USP10: variants seen among roughly 807,000 people sequenced by gnomAD.
The protein encoded by USP10 is ubiquitin specific peptidase 10, also known as ubiquitin carboxyl-terminal hydrolase 10.
USP10 carries 22 observed loss-of-function variants against 84.5 expected under a neutral mutation model. The observed-to-expected ratio is 0.26, with a 90% CI of 0.19 to 0.37. The LOEUF is 0.37. Among genes scored for constraint, USP10 ranks in the 10% least tolerant of loss-of-function variants. The pLI is 1.00. For synonymous variants in USP10, 454 were observed against 387.6 expected, an observed-to-expected ratio of 1.17 and a Z score of -2.01; for missense variants, 1,019 against 998.9, an observed-to-expected ratio of 1.02 and a Z score of -0.27.
At chr16:84,725,661 C>T (rs961522829) in intron 1 of USP10, among the ~76,000 whole-genome samples, 4 of 152,182 alleles carry the variant, frequency 2.6e-5, no homozygotes, top group Non-Finnish European at 5.9e-5. Context: ...GCCTCGGCCC[C>T]CCAGAGTGCT....
intron 13 of USP10, among the ~76,000 whole-genome samples, chr16:84,777,808 G>T (rs551522812): frequency 3.9e-5 from 6 of 152,324 alleles, no homozygotes; most frequent in African/African-American, 1.2e-4. Flanking sequence ...TTCCCTACCA[G>T]CCAAGTCTTG....
chr16:84,738,499 A>G (rs1206981584), intron 2 of USP10, among the ~76,000 whole-genome samples: 3 of 151,932 alleles, frequency 2.0e-5, no homozygotes, highest in South Asian at 4.1e-4. Flanking sequence ...CGCTGTGTCC[A>G]CTGCCCTTAT....
intron 1 of USP10, among the ~76,000 whole-genome samples, chr16:84,701,043 C>T (rs1904801634): frequency 1.3e-5 from 2 of 152,170 alleles, no homozygotes; most frequent in African/African-American, 4.8e-5. Context: ...TAAACCATCT[C>T]ATTGTGTATT....
intron 11 of USP10, among the ~76,000 whole-genome samples, chr16:84,770,854 T>G (rs1356578735): frequency 1.3e-5 from 2 of 149,904 alleles, no homozygotes; most frequent in Non-Finnish European, 3.0e-5. Flanking sequence ...GATCACAAAG[T>G]CAAGAGATCG....
intron 2 of USP10, among the ~76,000 whole-genome samples, chr16:84,736,654 T>C (rs1327308317): frequency 6.6e-6 from 1 of 152,158 alleles, no homozygotes; most frequent in Non-Finnish European, 1.5e-5. Context: ...AATCTCAGCT[T>C]TGGAAGTAGC....
chr16:84,745,923 G>A (rs944366963), intron 4 of USP10, among the ~76,000 whole-genome samples: 1 of 152,220 alleles, frequency 6.6e-6, no homozygotes, highest in African/African-American at 2.4e-5. Context: ...CTGTTGACAA[G>A]TTACATTTCC....
Position 84,772,618 on chromosome 16 carries a change from G to A in USP10, c.2076G>A (p.Glu692=). Residue 692 remains glutamate (E), a synonymous_variant, in exon 12 of 14, where the codon GAG becomes GAA. Coordinates refer to ENST00000219473, the MANE Select transcript of USP10 (RefSeq NM_005153.3). ...LVLHLKRFVY[E]KTGGCQKLIK... is the part of the protein sequence containing the mutation. The stretch of plus-strand genomic sequence containing the variant: ...TGCACCTGAAACGATTCGTTTATGA[G>A]AAGACTGGTGGGTGCCAGAAGCTTA... 6.2e-7 allele frequency: 1 copy of A among 1,614,024 alleles called. No individual in the cohort carries two copies. The highest frequency in any genetic ancestry group is 8.5e-7 in the Non-Finnish European group (1 of 1,179,892).
chr16:84,735,873 A>G (rs1174986925), intron 2 of USP10, among the ~76,000 whole-genome samples: 2 of 152,214 alleles, frequency 1.3e-5, no homozygotes, highest in East Asian at 1.9e-4. Flanking sequence ...ACATAATCGG[A>G]TGGAGTTGTT....
chr16:84,702,989 G>A (rs1172837031), intron 1 of USP10, among the ~76,000 whole-genome samples: 2 of 24,430 alleles, frequency 8.2e-5, no homozygotes, highest in East Asian at 1.6e-3. Flanking sequence ...CAAGACTCCC[G>A]TCTCAAAAAA....
intron 3 of USP10, among the ~76,000 whole-genome samples, chr16:84,743,202 G>A (rs775930815): frequency 1.6e-4 from 24 of 152,192 alleles, no homozygotes; most frequent in Non-Finnish European, 3.2e-4. Context: ...GTAGCCAAAG[G>A]AATTAGATGG....
intron 9 of USP10, among the ~76,000 whole-genome samples, chr16:84,763,618 C>A (rs1013784146): frequency 6.6e-6 from 1 of 152,224 alleles, no homozygotes; most frequent in Non-Finnish European, 1.5e-5. Context: ...CTTCAAATTT[C>A]GCCAGTTGTC....
intron 1 of USP10, among the ~76,000 whole-genome samples, chr16:84,725,917 A>G (rs767001847): frequency 2.6e-5 from 4 of 152,196 alleles, no homozygotes; most frequent in Admixed American, 6.5e-5. Flanking sequence ...AGAATACTTT[A>G]TACTTCTCAG....
chr16:84,768,160 CTT>C (rs1471454851), intron 10 of USP10, 31 bp from the exon 11 acceptor site: 9 of 1,548,622 alleles, frequency 5.8e-6, no homozygotes, highest in Non-Finnish European at 7.9e-6. Flanking sequence ...GGAGTGGTCT[CTT>C]AATTTTTTTG....
At chr16:84,760,939 A>C (rs1458992315) in intron 8 of USP10, among the ~76,000 whole-genome samples, 2 of 152,230 alleles carry the variant, frequency 1.3e-5, no homozygotes, top group African/African-American at 2.4e-5. Context: ...AATAGTTGAG[A>C]AAATGCCATT....
At chr16:84,701,617 C>T (rs1040533162) in intron 1 of USP10, among the ~76,000 whole-genome samples, 2 of 152,300 alleles carry the variant, frequency 1.3e-5, no homozygotes, top group East Asian at 3.9e-4. Context: ...AAGAAAGCAT[C>T]TTTAGGCATA....
At chr16:84,769,506 G>A (rs528919815) in intron 11 of USP10, among the ~76,000 whole-genome samples, 4 of 152,312 alleles carry the variant, frequency 2.6e-5, no homozygotes, top group African/African-American at 7.2e-5. Context: ...AGAGTCTGGC[G>A]GTGGACCTCG....
rs145440863 is a variant in USP10, at chr16:84,775,453, G to A, written c.2209+228G>A. On this transcript the variant is annotated intron_variant, in intron 13 of 13. Coordinates refer to ENST00000219473, the MANE Select transcript of USP10 (RefSeq NM_005153.3). ...GATAACAGAAGACCTTGCTCAAAGC[G>A]AACATTTCTGTCTTTGAGTCAGAGG... Among the ~76,000 whole-genome samples, 294 of 152,328 alleles carry A rather than the reference G, an allele frequency of 1.9e-3. 2 individuals carry two copies. Among genetic ancestry groups the A allele is most frequent in the Non-Finnish European group, 3.3e-3 (227 of 68,026 alleles).
intron 10 of USP10, among the ~76,000 whole-genome samples, chr16:84,765,439 C>A (rs574251730): frequency 3.3e-5 from 5 of 151,448 alleles, no homozygotes; most frequent in South Asian, 2.1e-4. Context: ...CTCGCCACCC[C>A]TAGGAACCAC....
At chr16:84,758,929 T>C in intron 5 of USP10, 122 bp downstream of exon 5, 1 of 734,748 alleles carries the variant, frequency 1.4e-6, no homozygotes, top group East Asian at 2.5e-5. Flanking sequence ...CTAAGTCTGG[T>C]TTATTACTTG....
Sources: allele counts gnomAD v4.1 joint callset (sites outside exome capture counted in the v4.1 genomes callset), GRCh38; gene constraint gnomAD v4.1.1; transcripts MANE v1.5; gene names NCBI Gene and HGNC (gene_info 2026-07-23, HGNC 2026-07-21).